Variants in PCSK6 observed in about 807,000 individuals in gnomAD.
PCSK6 encodes paired basic amino acid cleaving enzyme 4.
Under a neutral mutation model 123.3 loss-of-function variants are expected in PCSK6, and 85 were observed. The observed-to-expected ratio is 0.69, with a 90% CI of 0.58 to 0.83. The LOEUF (loss-of-function observed/expected upper bound fraction) is 0.83. Ranked by LOEUF, PCSK6 falls within the 40% of genes least tolerant of loss-of-function variation. The pLI, the probability that PCSK6 is intolerant of heterozygous loss-of-function variation, is 0.00. For synonymous variants in PCSK6, 508 were observed against 516.0 expected (o/e 0.98, Z 0.21); for missense variants, 1,191 against 1,282.3 (o/e 0.93, Z 1.09).
intron 1 of PCSK6, among the ~76,000 whole-genome samples, chr15:101,449,924 G>A (rs372017985): frequency 1.3e-5 from 2 of 152,142 alleles, no homozygotes; most frequent in East Asian, 3.9e-4. Context: ...GAGTCCTCCA[G>A]GGGCTGGGCC....
At chr15:101,439,189 A>C (rs2056688299) in intron 2 of PCSK6, among the ~76,000 whole-genome samples, 1 of 152,012 alleles carries the variant, frequency 6.6e-6, no homozygotes, top group African/African-American at 2.4e-5. Context: ...TGTAGGGGGG[A>C]AGGAGAGGCC....
At chr15:101,327,873 G>A (rs2040293414) in intron 15 of PCSK6, among the ~76,000 whole-genome samples, 1 of 152,114 alleles carries the variant, frequency 6.6e-6, no homozygotes, top group Non-Finnish European at 1.5e-5. Context: ...TCAGAGCTGT[G>A]TGTATCCACG....
At position 101,336,376 on chromosome 15, in the gene PCSK6, A is replaced by G. The variant is rs118083432; in HGVS notation, c.1859-4345T>C. Among the ~76,000 whole-genome samples, 1,014 of 152,336 alleles carry G rather than the reference A, an allele frequency of 6.7e-3. 7 individuals carry two copies. Among genetic ancestry groups the G allele is most frequent in the Middle Eastern group, 0.037 (11 of 294 alleles). On this transcript the variant is annotated intron_variant, in intron 13 of 21. Coordinates refer to ENST00000611716, the MANE Select transcript of PCSK6 (RefSeq NM_002570.5). Reference sequence around the variant, plus strand: ...GGAAACCTACTGCACACGTCATTTCAGCTGTGTGCATGTGTACCTGTAGGC... The same window carrying G: ...GGAAACCTACTGCACACGTCATTTCGGCTGTGTGCATGTGTACCTGTAGGC...
At chr15:101,410,876 G>A (rs1010304311) in intron 6 of PCSK6, among the ~76,000 whole-genome samples, 2 of 152,066 alleles carry the variant, frequency 1.3e-5, no homozygotes, top group Non-Finnish European at 2.9e-5. Context: ...CATGTCCAGC[G>A]CACAGAGGCA....
intron 13 of PCSK6, chr15:101,347,022 A>G: frequency 8.1e-7 from 1 of 1,231,774 alleles, no homozygotes; most frequent in Non-Finnish European, 1.0e-6. Flanking sequence ...AAATGGGGTT[A>G]AAAATGGAAC....
At chr15:101,465,682 G>A (rs918174008) in intron 1 of PCSK6, among the ~76,000 whole-genome samples, 1 of 51,438 alleles carries the variant, frequency 1.9e-5, no homozygotes, top group Non-Finnish European at 5.0e-5. Context: ...CTAAGAGATG[G>A]GGCCGTGAGG....
rs888133678 is a variant in PCSK6, at chr15:101,489,284, G to A, written c.297+90C>T. 17 of 848,402 alleles carry A rather than the reference G, an allele frequency of 2.0e-5. No homozygotes were observed. In the East Asian group the frequency reaches 4.4e-4, roughly 22 times the overall value. The allele number at this position is 848,402 out of a possible 1,614,324, so 52.6% of individuals were successfully genotyped here. On this transcript the variant is annotated intron_variant, in intron 1 of 21. Transcript: ENST00000611716. ...CTTCCCACGCGCGCGCGGGGCCGGG[G>A]CCGGGCGGACAGGACTGCGGAGGCG...
chr15:101,318,811 A>G (rs1333665392), intron 18 of PCSK6, among the ~76,000 whole-genome samples: 1 of 152,240 alleles, frequency 6.6e-6, no homozygotes, highest in Non-Finnish European at 1.5e-5. Flanking sequence ...GTTGGCATTT[A>G]TGGCGTGTGA....
intron 18 of PCSK6, among the ~76,000 whole-genome samples, chr15:101,318,674 C>T (rs58420796): frequency 0.026 from 3,939 of 152,344 alleles, 175 homozygotes; most frequent in African/African-American, 0.088. Flanking sequence ...GTCCTTGACC[C>T]AGTGATAGCT....
At chr15:101,361,946 C>T (rs2041234412) in intron 13 of PCSK6, among the ~76,000 whole-genome samples, 1 of 142,156 alleles carries the variant, frequency 7.0e-6, no homozygotes, top group Non-Finnish European at 1.5e-5. Context: ...CAATGGAGTG[C>T]AAGGTGAAGC....
chr15:101,310,560 C>A lies in PCSK6; in HGVS notation c.2699+2816G>T, dbSNP rs112235947. 3.2e-3 allele frequency among the ~76,000 whole-genome samples: 488 copies of A among 152,368 alleles called. 5 individuals are homozygous for A. The highest frequency in any genetic ancestry group is 0.011 in the African/African-American group (468 of 41,594). Reference sequence around the variant, plus strand: ...AAGGGTTTAACTTCAGACAACTGTGCCCAGGGCCCCGTGCAGGACTCAGCA... The same window carrying A: ...AAGGGTTTAACTTCAGACAACTGTGACCAGGGCCCCGTGCAGGACTCAGCA... On this transcript the variant is annotated intron_variant, in intron 20 of 21. Coordinates refer to ENST00000611716, the MANE Select transcript of PCSK6 (RefSeq NM_002570.5).
Position 101,385,484 on chromosome 15 carries a change from C to T in PCSK6, c.1311-1059G>A, listed in dbSNP as rs528617569. On this transcript the variant is annotated intron_variant, in intron 9 of 21. Transcript: ENST00000611716. Reference sequence around the variant, plus strand: ...GTCATTTCCAGGTCTAAATAACTCTCAGCCTAAAAGAACTCTTCAATAGTT... The same window carrying T: ...GTCATTTCCAGGTCTAAATAACTCTTAGCCTAAAAGAACTCTTCAATAGTT... Among the ~76,000 whole-genome samples, 58 of 152,306 alleles carry T rather than the reference C, an allele frequency of 3.8e-4. No individual in the cohort carries two copies. The South Asian group carries it at 4.4e-3, about 11-fold the overall frequency.
chr15:101,311,416 C>T (rs1370745869), intron 20 of PCSK6, among the ~76,000 whole-genome samples: 5 of 151,786 alleles, frequency 3.3e-5, no homozygotes, highest in African/African-American at 9.7e-5. Flanking sequence ...CGTGAGCCAC[C>T]GTGCCCGGCC....
At chr15:101,461,165 A>G (rs1013453056) in intron 1 of PCSK6, among the ~76,000 whole-genome samples, 1 of 152,218 alleles carries the variant, frequency 6.6e-6, no homozygotes, top group African/African-American at 2.4e-5. Flanking sequence ...AAATAACATG[A>G]TAAGTGGAAA....
intron 1 of PCSK6, among the ~76,000 whole-genome samples, chr15:101,485,104 C>G (rs972796203): frequency 1.3e-5 from 2 of 152,216 alleles, no homozygotes. Flanking sequence ...GATGCTAACA[C>G]TCTTCCGTGT....
intron 11 of PCSK6, among the ~76,000 whole-genome samples, chr15:101,376,883 C>T (rs2041761676): frequency 6.6e-6 from 1 of 152,134 alleles, no homozygotes; most frequent in Admixed American, 6.5e-5. Context: ...TAACAACAGC[C>T]CAAGAGGAGA....
chr15:101,315,428 C>T (rs958878993), intron 19 of PCSK6, among the ~76,000 whole-genome samples: 3 of 152,320 alleles, frequency 2.0e-5, no homozygotes, highest in Admixed American at 6.5e-5. Flanking sequence ...AGACTTTGAA[C>T]ACTTTAAAAG....
intron 12 of PCSK6, among the ~76,000 whole-genome samples, chr15:101,367,198 G>A (rs1338826680): frequency 1.3e-5 from 2 of 152,156 alleles, no homozygotes; most frequent in African/African-American, 4.8e-5. Context: ...GCAGAAACAG[G>A]AAGCAACTAA....
At chr15:101,448,882 C>CA (rs1279979319) in intron 1 of PCSK6, among the ~76,000 whole-genome samples, 1 of 152,320 alleles carries the variant, frequency 6.6e-6, no homozygotes, top group Non-Finnish European at 1.5e-5. Flanking sequence ...ATAAGGAAAT[C>CA]ATGGGAGGCC....
Sources: allele counts gnomAD v4.1 joint callset (sites outside exome capture counted in the v4.1 genomes callset), GRCh38; gene constraint gnomAD v4.1.1; transcripts MANE v1.5; gene names NCBI Gene and HGNC (gene_info 2026-07-23, HGNC 2026-07-21).